CNTN4: variants seen among roughly 807,000 people sequenced by gnomAD.
CNTN4 encodes the protein contactin 4.
CNTN4 carries 77 observed loss-of-function variants against 122.5 expected under a neutral mutation model. That is an observed-to-expected ratio of 0.63 (90% CI 0.52 to 0.76). The LOEUF (loss-of-function observed/expected upper bound fraction) is 0.76. Among genes scored for constraint, CNTN4 ranks in the 30% least tolerant of loss-of-function variants. CNTN4 has a pLI of 0.00. For missense variants in CNTN4, 1,256 were observed against 1,259.1 expected (o/e 1.00, Z 0.04); for synonymous variants, 512 against 447.0 (o/e 1.15, Z -1.83).
At chr3:2,665,742 A>G (rs556782310) in intron 4 of CNTN4, among the ~76,000 whole-genome samples, 2 of 152,320 alleles carry the variant, frequency 1.3e-5, no homozygotes, top group South Asian at 4.1e-4. Flanking sequence ...AATCAATCAC[A>G]GTGGGGCAAA....
At chr3:2,314,014 ATG>A (rs2043005960) in intron 2 of CNTN4, among the ~76,000 whole-genome samples, 1 of 152,018 alleles carries the variant, frequency 6.6e-6, no homozygotes, top group South Asian at 2.1e-4. Context: ...CTAAAAATAC[ATG>A]TTTTATAACA....
intron 2 of CNTN4, among the ~76,000 whole-genome samples, chr3:2,249,227 T>C (rs1453992610): frequency 6.6e-6 from 1 of 151,906 alleles, no homozygotes; most frequent in Admixed American, 6.6e-5. Flanking sequence ...TTAGAGGGAT[T>C]GATGAACTAT....
chr3:2,238,613 A>C (rs1047269123), intron 2 of CNTN4, among the ~76,000 whole-genome samples: 1 of 151,744 alleles, frequency 6.6e-6, no homozygotes, highest in Non-Finnish European at 1.5e-5. Context: ...ATTTTTAATA[A>C]AATGTATGTA....
chr3:2,211,593 A>G (rs2038620355), intron 2 of CNTN4, among the ~76,000 whole-genome samples: 1 of 152,224 alleles, frequency 6.6e-6, no homozygotes, highest in African/African-American at 2.4e-5. Flanking sequence ...CCTGTATGAT[A>G]ACACAGATTT....
At chr3:2,290,524 GAA>G (rs1377259439) in intron 2 of CNTN4, among the ~76,000 whole-genome samples, 1 of 152,160 alleles carries the variant, frequency 6.6e-6, no homozygotes, top group East Asian at 1.9e-4. Context: ...TAAAAAGAGA[GAA>G]AGACGATACG....
At chr3:2,238,193 A>G (rs995045366) in intron 2 of CNTN4, among the ~76,000 whole-genome samples, 1 of 152,168 alleles carries the variant, frequency 6.6e-6, no homozygotes, top group Non-Finnish European at 1.5e-5. Flanking sequence ...AAATAAGTAA[A>G]TAATTATATG....
At chr3:2,122,556 A>G (rs1235719326) in intron 2 of CNTN4, among the ~76,000 whole-genome samples, 2 of 152,222 alleles carry the variant, frequency 1.3e-5, no homozygotes, top group African/African-American at 2.4e-5. Context: ...GACTCTTGCT[A>G]TGATAAACAA....
intron 2 of CNTN4, among the ~76,000 whole-genome samples, chr3:2,167,765 T>C (rs72622130): frequency 0.11 from 16,466 of 152,256 alleles, 1,323 homozygotes; most frequent in East Asian, 0.32. Flanking sequence ...GTTTTCACCC[T>C]GGCCCATTTT....
intron 4 of CNTN4, among the ~76,000 whole-genome samples, chr3:2,616,447 A>G (rs192844297): frequency 2.0e-5 from 3 of 152,278 alleles, no homozygotes; most frequent in Admixed American, 6.5e-5. Context: ...ATACATGTGC[A>G]TATGTCTTTA....
At chr3:2,408,569 T>C (rs527646575) in intron 3 of CNTN4, among the ~76,000 whole-genome samples, 1 of 152,328 alleles carries the variant, frequency 6.6e-6, no homozygotes, top group East Asian at 1.9e-4. Context: ...TGTATATTTT[T>C]GGGCATGTGA....
intron 2 of CNTN4, among the ~76,000 whole-genome samples, chr3:2,270,104 C>T (rs1456121711): frequency 1.1e-5 from 1 of 92,048 alleles, no homozygotes; most frequent in African/African-American, 3.4e-5. Flanking sequence ...CGCCCGCCAC[C>T]GCGCCCGGCT....
intron 3 of CNTN4, among the ~76,000 whole-genome samples, chr3:2,473,101 G>A (rs1257288931): frequency 2.6e-5 from 4 of 151,798 alleles, no homozygotes; most frequent in Non-Finnish European, 4.4e-5. Flanking sequence ...CGTGGTGGTG[G>A]ACACCTGTAA....
At chr3:2,493,008 A>C (rs532464457) in intron 3 of CNTN4, among the ~76,000 whole-genome samples, 1 of 152,286 alleles carries the variant, frequency 6.6e-6, no homozygotes, top group South Asian at 2.1e-4. Flanking sequence ...TTGATTGAAT[A>C]TTTTACTTGC....
chr3:2,134,174 A>AGT (rs1443404067), intron 2 of CNTN4, among the ~76,000 whole-genome samples: 2 of 152,210 alleles, frequency 1.3e-5, no homozygotes, highest in Non-Finnish European at 1.5e-5. Context: ...TTTGCCTCTC[A>AGT]GTGCTTGCTG....
chr3:2,462,883 C>T (rs952925309), intron 3 of CNTN4, among the ~76,000 whole-genome samples: 7 of 152,112 alleles, frequency 4.6e-5, no homozygotes, highest in Admixed American at 2.0e-4. Flanking sequence ...AGTATCATTT[C>T]AGTATGGGAC....
At chr3:2,677,480 C>CCA (rs2084930120) in intron 4 of CNTN4, among the ~76,000 whole-genome samples, 1 of 25,786 alleles carries the variant, frequency 3.9e-5, no homozygotes, top group Non-Finnish European at 7.5e-5. Context: ...ATCTATCCAT[C>CCA]TATATCTATC....
At chr3:2,125,707 G>C (rs940489065) in intron 2 of CNTN4, among the ~76,000 whole-genome samples, 10 of 151,642 alleles carry the variant, frequency 6.6e-5, no homozygotes, top group Non-Finnish European at 1.5e-4. Flanking sequence ...ACAGGCGCCT[G>C]CCACCATGCC....
intron 3 of CNTN4, among the ~76,000 whole-genome samples, chr3:2,547,341 G>A (rs2078290542): frequency 6.6e-6 from 1 of 151,850 alleles, no homozygotes; most frequent in African/African-American, 2.4e-5. Flanking sequence ...TCTGCACACT[G>A]CAACCTCTGT....
rs114506989 is a variant in CNTN4, at chr3:2,765,036, G to A, written c.358+19339G>A. ...TTTACTATGGTGAAAATGCATTTCCGTCAGAGGGAATAATTTGTTTGAGAA... is the reference window on the plus strand; with the variant it reads ...TTTACTATGGTGAAAATGCATTTCCATCAGAGGGAATAATTTGTTTGAGAA... On this transcript the variant is annotated intron_variant, in intron 6 of 24. Transcript: ENST00000418658. Among the ~76,000 whole-genome samples the A allele has an allele frequency of 4.9e-3, 747 of 152,186 alleles. 7 individuals are homozygous for A. Among genetic ancestry groups the A allele is most frequent in the African/African-American group, 0.017 (705 of 41,500 alleles).
Sources: gnomAD v4.1 joint callset for allele counts (sites outside exome capture counted in the v4.1 genomes callset) on GRCh38, gnomAD v4.1.1 for gene constraint, MANE v1.5 for transcripts, NCBI Gene and HGNC (gene_info 2026-07-23, HGNC 2026-07-21) for gene names.